Variants in SCHIP1 observed in about 807,000 individuals in gnomAD.
The protein encoded by SCHIP1 is schwannomin-interacting protein 1.
In SCHIP1, 8 loss-of-function variants were observed where a neutral mutation model predicts 29.7. That is an observed-to-expected ratio of 0.27 (90% confidence interval 0.16 to 0.49). SCHIP1 has a LOEUF of 0.49. SCHIP1 is among the 20% of genes least tolerant of loss of function. SCHIP1 has a pLI of 0.99. For missense variants in SCHIP1, 193 were observed against 294.6 expected (o/e 0.66, Z 2.52); for synonymous variants, 76 against 94.9 (o/e 0.80, Z 1.16).
At chr3:159,327,484 C>A in the SCHIP1 span, among the ~76,000 whole-genome samples, 2 of 152,258 alleles carry the variant, frequency 1.3e-5, no homozygotes, top group South Asian at 4.1e-4. Context: ...AAGTCACAGA[C>A]CCCAAAACTT....
the SCHIP1 span, among the ~76,000 whole-genome samples, chr3:159,391,083 A>C: frequency 3.9e-5 from 6 of 152,190 alleles, no homozygotes; most frequent in Non-Finnish European, 7.3e-5. Flanking sequence ...ATGTCTTGGT[A>C]GTCAACATGA....
At chr3:159,449,984 G>A in the SCHIP1 span, among the ~76,000 whole-genome samples, 153 of 152,202 alleles carry the variant, frequency 1.0e-3, no homozygotes, top group African/African-American at 3.4e-3. Context: ...AGGAAAGAGA[G>A]GGGAGAGAAG....
At chr3:159,587,892 A>G in the SCHIP1 span, among the ~76,000 whole-genome samples, 1 of 152,156 alleles carries the variant, frequency 6.6e-6, no homozygotes, top group African/African-American at 2.4e-5. Flanking sequence ...GGTTGGTTCC[A>G]AGTCTTTGCT....
At chr3:159,378,310 A>G in the SCHIP1 span, among the ~76,000 whole-genome samples, 1 of 152,280 alleles carries the variant, frequency 6.6e-6, no homozygotes, top group Admixed American at 6.5e-5. Flanking sequence ...TCCAGTCACA[A>G]TAAGGTGGCA....
At chr3:159,744,823 T>A in the SCHIP1 span, among the ~76,000 whole-genome samples, 207 of 151,674 alleles carry the variant, frequency 1.4e-3, 1 homozygote, top group African/African-American at 4.8e-3. Context: ...TAAAAAAAAA[T>A]AATACAAAAA....
chr3:159,876,743 A>ATATC, intron 2 of SCHIP1, among the ~76,000 whole-genome samples: 1 of 152,334 alleles, frequency 6.6e-6, no homozygotes, highest in Admixed American at 6.5e-5. Flanking sequence ...CTTGTGCACA[A>ATATC]AAAGAGGAAG....
chr3:159,662,815 T>C, the SCHIP1 span, among the ~76,000 whole-genome samples: 4 of 152,226 alleles, frequency 2.6e-5, no homozygotes, highest in Admixed American at 2.6e-4. Flanking sequence ...AGAGTCTGTG[T>C]TAAGTTATTC....
chr3:159,805,254 A>C, the SCHIP1 span, among the ~76,000 whole-genome samples: 4 of 152,286 alleles, frequency 2.6e-5, no homozygotes, highest in South Asian at 8.3e-4. Flanking sequence ...TGTTCTGAGA[A>C]TCAGCTCCAA....
At chr3:159,283,139 A>T in the SCHIP1 span, among the ~76,000 whole-genome samples, 3 of 152,042 alleles carry the variant, frequency 2.0e-5, no homozygotes, top group Admixed American at 6.6e-5. Flanking sequence ...AAGATTTGAA[A>T]TTTCATATGT....
chr3:159,554,202 C>T, the SCHIP1 span, among the ~76,000 whole-genome samples: 1 of 152,136 alleles, frequency 6.6e-6, no homozygotes, highest in Non-Finnish European at 1.5e-5. Flanking sequence ...TCTTAGAATT[C>T]ATCACATCTA....
At chr3:159,440,333 T>C in the SCHIP1 span, among the ~76,000 whole-genome samples, 1 of 152,172 alleles carries the variant, frequency 6.6e-6, no homozygotes, top group Non-Finnish European at 1.5e-5. Context: ...TAGTTGGAAG[T>C]CAGGTAACAT....
the SCHIP1 span, among the ~76,000 whole-genome samples, chr3:159,621,106 G>A: frequency 6.6e-6 from 1 of 152,222 alleles, no homozygotes; most frequent in Non-Finnish European, 1.5e-5. Flanking sequence ...GGCAGGCTAT[G>A]TGATGAGAAA....
chr3:159,739,872 G>A, the SCHIP1 span, among the ~76,000 whole-genome samples: 1 of 152,196 alleles, frequency 6.6e-6, no homozygotes, highest in Non-Finnish European at 1.5e-5. Flanking sequence ...CTGCGACCAA[G>A]TCTACATTTA....
At chr3:159,550,460 T>C in the SCHIP1 span, among the ~76,000 whole-genome samples, 1 of 152,114 alleles carries the variant, frequency 6.6e-6, no homozygotes, top group Non-Finnish European at 1.5e-5. Flanking sequence ...TATAAAATAC[T>C]CCTCTTTATC....
At chr3:159,793,877 A>G in the SCHIP1 span, among the ~76,000 whole-genome samples, 3 of 151,930 alleles carry the variant, frequency 2.0e-5, no homozygotes, top group Admixed American at 1.3e-4. Flanking sequence ...GCCTTTTCCA[A>G]TTTCTGGAGG....
chr3:159,846,751 G>A (rs368607405), intron 1 of SCHIP1, among the ~76,000 whole-genome samples: 36 of 152,136 alleles, frequency 2.4e-4, no homozygotes, highest in African/African-American at 7.9e-4. Context: ...AAGAGTACTT[G>A]GTCTTCATTG....
chr3:159,744,991 A>G, the SCHIP1 span, among the ~76,000 whole-genome samples: 12 of 152,020 alleles, frequency 7.9e-5, no homozygotes, highest in South Asian at 2.1e-4. Context: ...CAAAAAAAAA[A>G]AAGAAGAAGA....
chr3:159,611,082 G>A, the SCHIP1 span, among the ~76,000 whole-genome samples: 1 of 152,130 alleles, frequency 6.6e-6, no homozygotes, highest in East Asian at 1.9e-4. Flanking sequence ...AGGCGACTTG[G>A]CCATGGACTC....
chr3:159,455,098 A>C, the SCHIP1 span, among the ~76,000 whole-genome samples: 1 of 152,156 alleles, frequency 6.6e-6, no homozygotes, highest in African/African-American at 2.4e-5. Flanking sequence ...ATGAATCTGG[A>C]TATTTTACTG....
Sources: gnomAD v4.1 joint callset for allele counts (sites outside exome capture counted in the v4.1 genomes callset) on GRCh38, gnomAD v4.1.1 for gene constraint, MANE v1.5 for transcripts, NCBI Gene and HGNC (gene_info 2026-07-23, HGNC 2026-07-21) for gene names.